Variants in CORO2A observed in about 807,000 individuals in gnomAD.
CORO2A encodes coronin 2A, also known as coronin-2A.
Under a neutral mutation model 62.4 loss-of-function variants are expected in CORO2A, and 47 were observed. The ratio of observed to expected loss-of-function variants is 0.75; its 90% CI spans 0.60 to 0.96. CORO2A has a LOEUF of 0.96. CORO2A is among the 40% of genes least tolerant of loss of function. The pLI, the probability that CORO2A is intolerant of heterozygous loss-of-function variation, is 0.00. For missense variants in CORO2A, 610 were observed against 684.1 expected, an observed-to-expected ratio of 0.89 and a Z score of 1.21; for synonymous variants, 273 against 268.9, an observed-to-expected ratio of 1.02 and a Z score of -0.15.
intron 1 of CORO2A, among the ~76,000 whole-genome samples, chr9:98,186,288 AG>A (rs1199293639): frequency 7.8e-6 from 1 of 127,692 alleles, no homozygotes; most frequent in African/African-American, 3.3e-5. Flanking sequence ...TGGCGGGGGG[AG>A]GGGCTAGGTT....
intron 4 of CORO2A, among the ~76,000 whole-genome samples, chr9:98,133,729 G>A (rs930686415): frequency 3.9e-5 from 6 of 152,078 alleles, no homozygotes; most frequent in Admixed American, 1.3e-4. Flanking sequence ...TCGGAAGAGC[G>A]AGGGCCCAGG....
intron 1 of CORO2A, among the ~76,000 whole-genome samples, chr9:98,187,181 G>A (rs1828249633): frequency 6.6e-6 from 1 of 151,716 alleles, no homozygotes; most frequent in Non-Finnish European, 1.5e-5. Flanking sequence ...TACTGGGGAG[G>A]CTGAGGCAGG....
Position 98,121,353 on chromosome 9 carries a change from A to G in CORO2A, c.*3421T>C, listed in dbSNP as rs1435411909. The G allele has an allele frequency of 3.9e-5, 6 of 152,228 alleles. No individual in the cohort carries two copies. Among genetic ancestry groups the G allele is most frequent in the Admixed American group, 1.3e-4 (2 of 15,278 alleles). 9.4% of individuals were successfully genotyped at this position (152,228 alleles called of 1,614,324 possible). A position where few individuals can be genotyped will look rare whatever the true frequency, so the allele number is the denominator to read the frequency against. On this transcript the variant is annotated 3_prime_UTR_variant, in exon 12 of 12. Coordinates refer to ENST00000375077, the MANE Select transcript of CORO2A (RefSeq NM_052820.4). ...AAGGAGATGAGAGCATGCTCTGCCA[A>G]CTGGCTGGGACCTGAATGTGCTAGG...
chr9:98,135,251 G>C (rs968374848), intron 3 of CORO2A, among the ~76,000 whole-genome samples: 1 of 152,214 alleles, frequency 6.6e-6, no homozygotes, highest in Admixed American at 6.5e-5. Context: ...GCTGGCCTGA[G>C]GTGGTGGGCA....
intron 1 of CORO2A, among the ~76,000 whole-genome samples, chr9:98,178,255 C>G (rs550643472): frequency 2.6e-5 from 4 of 152,250 alleles, no homozygotes; most frequent in Admixed American, 2.0e-4. Flanking sequence ...CTATGTTGCC[C>G]AGGCTTGTAT....
intron 7 of CORO2A, 114 bp downstream of exon 7, chr9:98,130,841 A>C (rs1827393741): frequency 2.5e-6 from 2 of 802,726 alleles, no homozygotes; most frequent in Non-Finnish European, 4.0e-6. Context: ...TCACAGGGAA[A>C]GAGTGGCCAG....
intron 5 of CORO2A, 92 bp from the exon 6 acceptor site, chr9:98,132,393 C>T (rs958251155): frequency 9.8e-7 from 1 of 1,020,704 alleles, no homozygotes. Flanking sequence ...TATGCCACCG[C>T]TCCACCTGGG....
chr9:98,124,806 TG>T lies in CORO2A; in HGVS notation c.1545del (p.Asn517ThrfsTer78). On this transcript the variant is annotated frameshift_variant, in exon 12 of 12. Transcript: ENST00000375077. LOFTEE classifies it high-confidence loss of function. ...TGCTCTGAGCCCATCCGCAAGTTTTTGATCTCCAGTTCCAACTGTTTGGCCT... is the reference window on the plus strand; with the variant it reads ...TGCTCTGAGCCCATCCGCAAGTTTTTATCTCCAGTTCCAACTGTTTGGCCT... ...EVQAKQLELEIKNLRMGSEQL is the reference protein window; with the variant it reads ...EVQAKQLELEXKNLRMGSEQL 1 of 1,611,784 alleles carries T rather than the reference TG, an allele frequency of 6.2e-7. No homozygotes were observed. Among genetic ancestry groups the T allele is most frequent in the Non-Finnish European group, 8.5e-7 (1 of 1,179,004 alleles).
intron 1 of CORO2A, among the ~76,000 whole-genome samples, chr9:98,163,806 A>G (rs573572566): frequency 6.6e-6 from 1 of 152,020 alleles, no homozygotes; most frequent in African/African-American, 2.4e-5. Context: ...TGCCTGTTCC[A>G]AAGGCCCCTC....
chr9:98,168,831 C>T (rs1539289), intron 1 of CORO2A, among the ~76,000 whole-genome samples: 86,311 of 152,152 alleles, frequency 0.57, 24,504 homozygotes, highest in East Asian at 0.68. Context: ...CGTGAGAGTT[C>T]CAACCCCTGG....
intron 2 of CORO2A, among the ~76,000 whole-genome samples, chr9:98,138,125 T>C (rs1315305097): frequency 6.6e-6 from 1 of 151,936 alleles, no homozygotes; most frequent in Non-Finnish European, 1.5e-5. Context: ...CCATGGAAAA[T>C]GAAAAGATAA....
At chr9:98,135,538 G>A (rs1482190332) in intron 3 of CORO2A, among the ~76,000 whole-genome samples, 1 of 152,160 alleles carries the variant, frequency 6.6e-6, no homozygotes, top group East Asian at 1.9e-4. Context: ...GAGGGCCTGA[G>A]AAGAGGTGCT....
chr9:98,149,550 C>T (rs918077813), intron 2 of CORO2A, among the ~76,000 whole-genome samples: 2 of 152,222 alleles, frequency 1.3e-5, no homozygotes, highest in African/African-American at 4.8e-5. Flanking sequence ...AGGGGAGCTT[C>T]CAATCATGCA....
In CORO2A at chr9:98,132,265, G is replaced by A. The variant is rs750786716; in HGVS notation, c.685C>T (p.Leu229=). 1.2e-6 allele frequency: 2 copies of A among 1,614,188 alleles called. No homozygotes were observed. The highest frequency in any genetic ancestry group is 1.7e-5 in the Admixed American group (1 of 60,026). The part of the protein sequence containing the change: ...SYKGHRASKV[L]FLGNLKKLMS... ...AGCTTCTTCAGGTTCCCCAGAAACAGCACTTTGCTGGCCCGGTGCCCTTTG... is the reference window on the plus strand; with the variant it reads ...AGCTTCTTCAGGTTCCCCAGAAACAACACTTTGCTGGCCCGGTGCCCTTTG... The change falls in exon 6 of 12, where the codon CTG becomes TTG. Residue 229 remains leucine, a synonymous_variant. Transcript: ENST00000375077.
chr9:98,191,360 G>A (rs934233095), intron 1 of CORO2A, among the ~76,000 whole-genome samples: 1 of 152,222 alleles, frequency 6.6e-6, no homozygotes, highest in Admixed American at 6.5e-5. Flanking sequence ...CTGCTCCAGG[G>A]CAGACACCTC....
In CORO2A at chr9:98,136,956, G is replaced by A. The variant is rs547543807; in HGVS notation, c.318+616C>T. Among the ~76,000 whole-genome samples the A allele has an allele frequency of 1.2e-4, 19 of 152,290 alleles. No individual in the cohort carries two copies. The South Asian group carries it at 3.5e-3, about 28-fold the overall frequency. On this transcript the variant is annotated intron_variant, in intron 3 of 11. Coordinates refer to ENST00000375077, the MANE Select transcript of CORO2A (RefSeq NM_052820.4). ...TCCCACCTCAGTCTCCCAAAGTGCTGAGATTACAGGTGTGAGCCACTGAAC... is the reference window on the plus strand; with the variant it reads ...TCCCACCTCAGTCTCCCAAAGTGCTAAGATTACAGGTGTGAGCCACTGAAC...
chr9:98,160,190 A>G (rs1827865180), intron 1 of CORO2A, among the ~76,000 whole-genome samples: 1 of 152,196 alleles, frequency 6.6e-6, no homozygotes, highest in African/African-American at 2.4e-5. Context: ...GAATGTAGGG[A>G]TGGACTGACT....
rs561325946 is a variant in CORO2A, at chr9:98,144,588, T to C, written c.202-6900A>G. ...CTTATGGAGGAGGCAGGAAGGAATA[T>C]ACTTTGAGCTCAGAGGAGAGGCACA... On this transcript the variant is annotated intron_variant, in intron 2 of 11. Transcript: ENST00000375077. Among the ~76,000 whole-genome samples, 9 of 152,246 alleles carry C rather than the reference T, an allele frequency of 5.9e-5. No homozygotes were observed. The South Asian group carries it at 1.7e-3, about 28-fold the overall frequency.
At chr9:98,159,057 C>T (rs1251923626) in intron 1 of CORO2A, among the ~76,000 whole-genome samples, 1 of 150,544 alleles carries the variant, frequency 6.6e-6, no homozygotes. Context: ...CTCATATCAC[C>T]CTTTATTTAT....
Sources: allele counts gnomAD v4.1 joint callset (sites outside exome capture counted in the v4.1 genomes callset), GRCh38; gene constraint gnomAD v4.1.1; transcripts MANE v1.5; gene names NCBI Gene and HGNC (gene_info 2026-07-23, HGNC 2026-07-21).